Variants in PLEKHA7 observed in about 807,000 individuals in gnomAD.
PLEKHA7 encodes the protein pleckstrin homology domain-containing family A member 7.
PLEKHA7 carries 104 observed loss-of-function variants against 170.0 expected under a neutral mutation model. The observed-to-expected ratio is 0.61, with a 90% confidence interval of 0.52 to 0.72. The LOEUF (loss-of-function observed/expected upper bound fraction) is 0.72. PLEKHA7 is among the 30% of genes least tolerant of loss of function. The pLI is 0.00. For synonymous variants in PLEKHA7, 648 were observed against 660.8 expected, an observed-to-expected ratio of 0.98 and a Z score of 0.30; for missense variants, 1,615 against 1,671.7, an observed-to-expected ratio of 0.97 and a Z score of 0.59.
At chr11:16,792,183 G>A (rs78787376) in intron 19 of PLEKHA7, among the ~76,000 whole-genome samples, 1,597 of 152,120 alleles carry the variant, frequency 0.01, 26 homozygotes, top group African/African-American at 0.037. Flanking sequence ...CAAGATATCC[G>A]AATCACCAAT....
At chr11:16,913,220 A>G (rs753810371) in intron 3 of PLEKHA7, among the ~76,000 whole-genome samples, 83 of 152,248 alleles carry the variant, frequency 5.5e-4, no homozygotes, top group Non-Finnish European at 1.1e-3. Context: ...CTGAAATGCA[A>G]TTAGTCCCTG....
chr11:16,957,428 T>G (rs1169940665), intron 3 of PLEKHA7, among the ~76,000 whole-genome samples: 1 of 152,228 alleles, frequency 6.6e-6, no homozygotes, highest in Non-Finnish European at 1.5e-5. Flanking sequence ...CATTAAAAAT[T>G]ATCTCATGTA....
At chr11:16,999,864 T>C (rs948589111) in intron 3 of PLEKHA7, among the ~76,000 whole-genome samples, 5 of 152,110 alleles carry the variant, frequency 3.3e-5, no homozygotes, top group Non-Finnish European at 4.4e-5. Context: ...TTGTGATAAA[T>C]GCTGACTCCC....
chr11:16,780,397 C>T (rs1227560073), intron 26 of PLEKHA7, among the ~76,000 whole-genome samples: 2 of 152,376 alleles, frequency 1.3e-5, no homozygotes, highest in South Asian at 2.1e-4. Context: ...CTTTCTCTCC[C>T]TCTTAAAGTG....
At chr11:16,793,679 C>T (rs372856061) in intron 19 of PLEKHA7, among the ~76,000 whole-genome samples, 104 of 152,344 alleles carry the variant, frequency 6.8e-4, no homozygotes, top group Middle Eastern at 3.4e-3. Context: ...CTGGCCTGGC[C>T]CTGGAGGCGT....
Position 16,821,966 on chromosome 11 carries a change from G to A in PLEKHA7, c.1343+4154C>T, listed in dbSNP as rs766600608. Among the ~76,000 whole-genome samples the A allele has an allele frequency of 5.8e-4, 88 of 150,554 alleles. 1 individual carries two copies. Among genetic ancestry groups the A allele is most frequent in the Middle Eastern group, 3.4e-3 (1 of 290 alleles). On this transcript the variant is annotated intron_variant, in intron 10 of 26. Coordinates refer to ENST00000531066, the MANE Select transcript of PLEKHA7 (RefSeq NM_001329630.2). ...AGCTGTTCTCCTCTACAGACCTGAT[G>A]TCTCCCTTCCCCTTAGATAAGAATG...
At chr11:16,810,650 T>A (rs1388739217) in intron 13 of PLEKHA7, among the ~76,000 whole-genome samples, 1 of 152,164 alleles carries the variant, frequency 6.6e-6, no homozygotes, top group African/African-American at 2.4e-5. Context: ...TAGATAACGT[T>A]CTAATCATGT....
intron 9 of PLEKHA7, 147 bp downstream of exon 9, chr11:16,841,400 G>T: frequency 3.4e-6 from 3 of 884,878 alleles, no homozygotes; most frequent in Non-Finnish European, 5.0e-6. Flanking sequence ...AGGCCTTAGT[G>T]TTTTTGTTTA....
At chr11:16,847,567 C>T (rs930614610) in intron 8 of PLEKHA7, among the ~76,000 whole-genome samples, 8 of 152,184 alleles carry the variant, frequency 5.3e-5, no homozygotes, top group Admixed American at 2.0e-4. Flanking sequence ...CAGAGGCTCA[C>T]GCCTATAATC....
chr11:16,778,980 G>A lies in PLEKHA7; in HGVS notation c.*18C>T. The stretch of plus-strand genomic sequence containing the variant: ...GGTTCCACTGGGCCCCTGGCTCCAG[G>A]CTTCTTTGCATGCTGGGTCACGGGT... On this transcript the variant is annotated 3_prime_UTR_variant, in exon 27 of 27. Coordinates refer to ENST00000531066, the MANE Select transcript of PLEKHA7 (RefSeq NM_001329630.2). The A allele has an allele frequency of 1.4e-6, 1 of 702,634 alleles. No homozygotes were observed. Among genetic ancestry groups the A allele is most frequent in the Non-Finnish European group, 2.6e-6 (1 of 385,008 alleles). 43.5% of individuals were successfully genotyped at this position (702,634 alleles called of 1,614,324 possible).
rs574796421 is a variant in PLEKHA7 at position 16,874,670 on chromosome 11, C to T, written c.222-3488G>A. On this transcript the variant is annotated intron_variant, in intron 3 of 26. Coordinates refer to ENST00000531066, the MANE Select transcript of PLEKHA7 (RefSeq NM_001329630.2). ...AGAAAGCCCTAAAGACACAAGGCAT[C>T]AGAAGCACAGCCCAGCTGCCACTCC... is the stretch of plus-strand genomic sequence containing the variant. 5.4e-4 allele frequency among the ~76,000 whole-genome samples: 82 copies of T among 152,290 alleles called. 1 individual carries two copies. In the South Asian group the frequency reaches 0.017, roughly 32 times the overall value.
At position 16,791,047 on chromosome 11, in the gene PLEKHA7, G is replaced by A; in HGVS notation, c.2898C>T (p.Asp966=). ...LKRQSDERKR[D]RELGQCVNGD... is the part of the protein sequence containing the mutation. ...CATTCACACACTGCCCCAGCTCCCG[G>A]TCTCGCTTCCTCTCGTCTGACTGCC... The change falls in exon 20 of 27, where the codon GAC becomes GAT. Residue 966 remains aspartate, a synonymous_variant. Coordinates refer to ENST00000531066, the MANE Select transcript of PLEKHA7 (RefSeq NM_001329630.2). This position sits in a 1 kb window ranked among gnomAD's most constrained non-coding sequence, Gnocchi z 4.5. 6.2e-7 allele frequency: 1 copy of A among 1,614,126 alleles called. No individual in the cohort carries two copies. Among genetic ancestry groups the A allele is most frequent in the Non-Finnish European group, 8.5e-7 (1 of 1,180,026 alleles).
At chr11:16,844,365 T>C (rs943316856) in intron 8 of PLEKHA7, among the ~76,000 whole-genome samples, 1 of 152,228 alleles carries the variant, frequency 6.6e-6, no homozygotes, top group African/African-American at 2.4e-5. Flanking sequence ...CCAGCTGCTC[T>C]TGACTCTGAA....
At chr11:16,826,731 G>T in intron 9 of PLEKHA7, 141 bp from the exon 10 acceptor site, 1 of 768,250 alleles carries the variant, frequency 1.3e-6, no homozygotes, top group Non-Finnish European at 2.1e-6. Flanking sequence ...TCCTCACTCT[G>T]CCTGCCTAAC....
At chr11:16,963,160 G>A (rs1862170565) in intron 3 of PLEKHA7, among the ~76,000 whole-genome samples, 2 of 152,198 alleles carry the variant, frequency 1.3e-5, no homozygotes, top group South Asian at 4.1e-4. Flanking sequence ...CTTCTGTGCA[G>A]CTCCAGGACT....
At chr11:16,951,604 G>A (rs1861411913) in intron 3 of PLEKHA7, among the ~76,000 whole-genome samples, 1 of 152,094 alleles carries the variant, frequency 6.6e-6, no homozygotes, top group Non-Finnish European at 1.5e-5. Flanking sequence ...TTATCCACAG[G>A]GTCATGCCAT....
chr11:16,983,260 G>A (rs1469158585), intron 3 of PLEKHA7, among the ~76,000 whole-genome samples: 1 of 152,232 alleles, frequency 6.6e-6, no homozygotes, highest in African/African-American at 2.4e-5. Context: ...AATTACAGGA[G>A]GGGCTTCCTT....
intron 4 of PLEKHA7, among the ~76,000 whole-genome samples, chr11:16,862,912 C>A (rs1370907298): frequency 1.3e-5 from 2 of 152,118 alleles, no homozygotes; most frequent in African/African-American, 2.4e-5. Flanking sequence ...CAAAGCTAGC[C>A]CAAGACTGCC....
chr11:16,905,856 G>C (rs942831791), intron 3 of PLEKHA7, among the ~76,000 whole-genome samples: 4 of 152,152 alleles, frequency 2.6e-5, no homozygotes, highest in South Asian at 2.1e-4. Context: ...TTTAAGACAG[G>C]AATCACCTCC....
Sources: gnomAD v4.1 joint callset for allele counts (sites outside exome capture counted in the v4.1 genomes callset) on GRCh38, gnomAD v4.1.1 for gene constraint, Gnocchi (gnomAD v3.1) non-coding constraint, MANE v1.5 for transcripts, NCBI Gene and HGNC (gene_info 2026-07-23, HGNC 2026-07-21) for gene names.